The following CNTN5 variants were observed in gnomAD, a reference collection of about 807,000 sequenced individuals.
CNTN5 encodes contactin 5.
CNTN5 carries 77 observed loss-of-function variants against 129.1 expected under a neutral mutation model. The observed-to-expected ratio is 0.60, with a 90% confidence interval of 0.50 to 0.72. CNTN5 has a LOEUF of 0.72. CNTN5 is among the 30% of genes least tolerant of loss of function. The pLI is 0.00. For missense variants in CNTN5, 1,478 were observed against 1,328.8 expected, an observed-to-expected ratio of 1.11 and a Z score of -1.75; for synonymous variants, 509 against 465.6, an observed-to-expected ratio of 1.09 and a Z score of -1.20.
At chr11:99,824,287 TA>T (rs1946887333) in intron 4 of CNTN5, among the ~76,000 whole-genome samples, 1 of 152,058 alleles carries the variant, frequency 6.6e-6, no homozygotes, top group African/African-American at 2.4e-5. Flanking sequence ...GTCACCAACA[TA>T]AAATTTTTTT....
chr11:99,525,261 G>A (rs913450255), intron 2 of CNTN5, among the ~76,000 whole-genome samples: 1 of 152,056 alleles, frequency 6.6e-6, no homozygotes, highest in Non-Finnish European at 1.5e-5. Context: ...AAGGTCAAAT[G>A]GGACTTTGTG....
intron 7 of CNTN5, among the ~76,000 whole-genome samples, chr11:99,947,903 C>G (rs1396689154): frequency 6.6e-6 from 1 of 152,056 alleles, no homozygotes; most frequent in Admixed American, 6.5e-5. Context: ...TTTTAAATAC[C>G]TGCCTTATGA....
At chr11:99,112,413 C>G (rs1197602442) in intron 1 of CNTN5, among the ~76,000 whole-genome samples, 1 of 151,878 alleles carries the variant, frequency 6.6e-6, no homozygotes, top group African/African-American at 2.4e-5. Flanking sequence ...GGACATTAAT[C>G]TTATAAATGA....
At chr11:99,459,272 A>G (rs1438535890) in intron 2 of CNTN5, among the ~76,000 whole-genome samples, 1 of 151,992 alleles carries the variant, frequency 6.6e-6, no homozygotes, top group Non-Finnish European at 1.5e-5. Context: ...GCCCAACATG[A>G]AAATTAATAG....
chr11:99,764,986 T>A (rs1324338255), intron 3 of CNTN5, among the ~76,000 whole-genome samples: 1 of 152,122 alleles, frequency 6.6e-6, no homozygotes, highest in Non-Finnish European at 1.5e-5. Context: ...GTCACATATA[T>A]CTACTGTATC....
chr11:99,515,838 AT>A (rs1947028136), intron 2 of CNTN5, among the ~76,000 whole-genome samples: 1 of 151,952 alleles, frequency 6.6e-6, no homozygotes, highest in South Asian at 2.1e-4. Flanking sequence ...CATTATATCA[AT>A]TGCTATTATC....
At chr11:100,332,121 A>G (rs763697625) in intron 21 of CNTN5, among the ~76,000 whole-genome samples, 7 of 152,188 alleles carry the variant, frequency 4.6e-5, no homozygotes, top group Non-Finnish European at 8.8e-5. Flanking sequence ...GAGAAGATCC[A>G]AATAAGTTCA....
chr11:100,001,998 T>A, intron 8 of CNTN5, 36 bp from the exon 9 acceptor site: 1 of 1,354,674 alleles, frequency 7.4e-7, no homozygotes, highest in Admixed American at 2.4e-5. Context: ...ATTGTAACAT[T>A]CATTTGATGC....
chr11:99,236,977 G>T (rs1238133008), intron 1 of CNTN5, among the ~76,000 whole-genome samples: 2 of 150,844 alleles, frequency 1.3e-5, no homozygotes, highest in Non-Finnish European at 3.0e-5. Context: ...TTGTTCCTGT[G>T]ATTTAAATTT....
intron 3 of CNTN5, among the ~76,000 whole-genome samples, chr11:99,694,133 GA>G (rs141249554): frequency 1.0e-4 from 15 of 147,916 alleles, no homozygotes; most frequent in Middle Eastern, 3.4e-3. Flanking sequence ...GAGAAAGCTA[GA>G]AAAAAAAAAC....
intron 1 of CNTN5, among the ~76,000 whole-genome samples, chr11:99,232,540 G>A (rs1861056589): frequency 2.6e-5 from 4 of 152,100 alleles, no homozygotes; most frequent in Admixed American, 2.0e-4. Flanking sequence ...GTCATCTTAA[G>A]AAGCTTTTGG....
rs573656736 is a variant in CNTN5 at position 99,218,350 on chromosome 11, A to T, written c.-209-106996A>T. ...AGTTCCAGGACCTCTTATTTTCTAC[A>T]TCTATATACCAACCCTCTAGGTCAA... On this transcript the variant is annotated intron_variant, in intron 1 of 24. Coordinates refer to ENST00000524871, the MANE Select transcript of CNTN5 (RefSeq NM_014361.4). 3.3e-5 allele frequency among the ~76,000 whole-genome samples: 5 copies of T among 152,096 alleles called. No homozygotes were observed. In the East Asian group the frequency reaches 9.7e-4, roughly 29 times the overall value.
At chr11:100,043,297 C>T (rs1394934505) in intron 9 of CNTN5, among the ~76,000 whole-genome samples, 1 of 152,142 alleles carries the variant, frequency 6.6e-6, no homozygotes, top group African/African-American at 2.4e-5. Context: ...AACCTTGGCA[C>T]TGCCAGCAGG....
At chr11:99,581,935 A>T (rs1949615248) in intron 3 of CNTN5, among the ~76,000 whole-genome samples, 1 of 151,938 alleles carries the variant, frequency 6.6e-6, no homozygotes, top group Admixed American at 6.6e-5. Context: ...GGTCTTTACA[A>T]TTTGGCATGT....
At chr11:99,829,784 G>C (rs933284486) in intron 4 of CNTN5, among the ~76,000 whole-genome samples, 1 of 152,080 alleles carries the variant, frequency 6.6e-6, no homozygotes, top group Admixed American at 6.6e-5. Flanking sequence ...AATTGACCAA[G>C]GTTTAAAGTA....
At chr11:99,198,432 A>C (rs1394891118) in intron 1 of CNTN5, among the ~76,000 whole-genome samples, 1 of 152,160 alleles carries the variant, frequency 6.6e-6, no homozygotes, top group African/African-American at 2.4e-5. Flanking sequence ...GGCAAGTTAG[A>C]TGGGGCCAAA....
intron 2 of CNTN5, among the ~76,000 whole-genome samples, chr11:99,540,207 A>T (rs1444820700): frequency 6.6e-6 from 1 of 152,204 alleles, no homozygotes; most frequent in Non-Finnish European, 1.5e-5. Context: ...CACAGCACAG[A>T]TAAAGGCCTA....
chr11:99,755,404 T>A (rs1208683805), intron 3 of CNTN5, among the ~76,000 whole-genome samples: 1 of 152,208 alleles, frequency 6.6e-6, no homozygotes, highest in Non-Finnish European at 1.5e-5. Flanking sequence ...GTCAGTGTTC[T>A]AGATTTTGGG....
intron 2 of CNTN5, among the ~76,000 whole-genome samples, chr11:99,409,395 G>A (rs1489557637): frequency 6.6e-6 from 1 of 152,196 alleles, no homozygotes; most frequent in Non-Finnish European, 1.5e-5. Flanking sequence ...GTGAACCCGG[G>A]AGATGGAGCT....
Sources: gnomAD v4.1 joint callset for allele counts (sites outside exome capture counted in the v4.1 genomes callset) on GRCh38, gnomAD v4.1.1 for gene constraint, MANE v1.5 for transcripts, NCBI Gene and HGNC (gene_info 2026-07-23, HGNC 2026-07-21) for gene names.